Variants in AFF3 observed in about 807,000 individuals in gnomAD.
The protein encoded by AFF3 is AF4/FMR2 family member 3.
A neutral mutation model predicts 129.7 loss-of-function variants in AFF3; 32 were observed. The observed-to-expected ratio is 0.25, with a 90% CI of 0.19 to 0.33. The LOEUF (loss-of-function observed/expected upper bound fraction) is 0.33, where lower values mean the gene tolerates loss of function less well. AFF3 is among the 10% of genes least tolerant of loss of function. AFF3 has a pLI of 1.00. For synonymous variants in AFF3, 644 were observed against 635.4 expected, an observed-to-expected ratio of 1.01 and a Z score of -0.20; for missense variants, 1,373 against 1,592.0, an observed-to-expected ratio of 0.86 and a Z score of 2.34.
At chr2:100,087,871 A>G (rs1689568770) in intron 4 of AFF3, among the ~76,000 whole-genome samples, 1 of 147,698 alleles carries the variant, frequency 6.8e-6, no homozygotes. Context: ...AAGTATATTA[A>G]TAGATTAAAG....
chr2:99,726,249 G>C (rs1008937496), intron 11 of AFF3, among the ~76,000 whole-genome samples: 1 of 152,134 alleles, frequency 6.6e-6, no homozygotes, highest in South Asian at 2.1e-4. Context: ...AAGACACTCA[G>C]TATTTTACCA....
At chr2:99,609,565 C>T (rs1041719630) in intron 13 of AFF3, among the ~76,000 whole-genome samples, 2 of 152,202 alleles carry the variant, frequency 1.3e-5, no homozygotes, top group African/African-American at 4.8e-5. Flanking sequence ...TTAATTCATT[C>T]GTTTTCATGA....
Position 99,765,793 on chromosome 2 carries a change from CT to C in AFF3, c.922-13493del, listed in dbSNP as rs1295819018. Among the ~76,000 whole-genome samples the C allele has an allele frequency of 3.3e-5, 5 of 152,096 alleles. No individual in the cohort carries two copies. The South Asian group carries it at 6.2e-4, about 19-fold the overall frequency. The stretch of plus-strand genomic sequence containing the variant: ...TACTCTTTAATTATTTAATATTTAA[CT>C]GGTTAATTATTCATAGTCAAACAGA... On this transcript the variant is annotated intron_variant, in intron 8 of 24. Transcript: ENST00000672756.
At chr2:100,056,057 T>TCACA (rs1491369012) in intron 4 of AFF3, among the ~76,000 whole-genome samples, 5 of 87,984 alleles carry the variant, frequency 5.7e-5, no homozygotes, top group Non-Finnish European at 1.1e-4. Context: ...AATCGCTGTC[T>TCACA]CTCTCTCACA....
At chr2:99,857,960 T>C (rs1690650134) in intron 7 of AFF3, among the ~76,000 whole-genome samples, 1 of 152,180 alleles carries the variant, frequency 6.6e-6, no homozygotes, top group African/African-American at 2.4e-5. Flanking sequence ...CTCCTCCCAC[T>C]GTGGATGGAA....
At chr2:99,645,554 G>A (rs961558370) in intron 13 of AFF3, among the ~76,000 whole-genome samples, 4 of 152,100 alleles carry the variant, frequency 2.6e-5, no homozygotes, top group Non-Finnish European at 4.4e-5. Context: ...ACTGCTGGGC[G>A]GGAGGCGCAA....
At chr2:99,849,322 A>G (rs6747845) in intron 7 of AFF3, among the ~76,000 whole-genome samples, 119,479 of 152,060 alleles carry the variant, frequency 0.79, 47,720 homozygotes, top group South Asian at 0.93. Flanking sequence ...AACCACAGCC[A>G]GAAAAAGCAA....
intron 4 of AFF3, chr2:100,011,485 C>A: frequency 1.3e-6 from 1 of 780,898 alleles, no homozygotes; most frequent in Non-Finnish European, 2.4e-6. Flanking sequence ...GCCCCCATGC[C>A]CAAAATAATA....
At chr2:100,005,873 C>T (rs901109081) in intron 7 of AFF3, among the ~76,000 whole-genome samples, 1 of 152,178 alleles carries the variant, frequency 6.6e-6, no homozygotes, top group African/African-American at 2.4e-5. Context: ...TCTGGCCACA[C>T]TGTTACTCAG....
chr2:99,839,898 C>T (rs1224236470), intron 7 of AFF3, among the ~76,000 whole-genome samples: 1 of 152,186 alleles, frequency 6.6e-6, no homozygotes, highest in Non-Finnish European at 1.5e-5. Flanking sequence ...GCGTGAGCCA[C>T]CAGATCTGCA....
rs917858926 is a variant in AFF3 at position 100,107,338 on chromosome 2, G to A, written c.-144-1755C>T. ...TGTTCCTATTATCCTCCAGCCTCTG[G>A]GTATGCAAACCAAAACAAGCACTTA... On this transcript the variant is annotated intron_variant, in intron 2 of 24. Transcript: ENST00000672756. 16 of 985,006 alleles carry A rather than the reference G, an allele frequency of 1.6e-5. No homozygotes were observed. In the African/African-American group the frequency reaches 2.8e-4, roughly 17 times the overall value. The allele number at this position is 985,006 out of a possible 1,614,324, so 61.0% of individuals were successfully genotyped here. A position where few individuals can be genotyped will look rare whatever the true frequency, so the allele number is the denominator to read the frequency against.
At chr2:99,595,948 G>A (rs186814760) in intron 14 of AFF3, among the ~76,000 whole-genome samples, 145 of 152,340 alleles carry the variant, frequency 9.5e-4, no homozygotes, top group African/African-American at 3.4e-3. Flanking sequence ...GGTGTCTGGT[G>A]ACTTGGAGAA....
intron 7 of AFF3, among the ~76,000 whole-genome samples, chr2:99,867,066 G>C (rs1309855666): frequency 6.6e-6 from 1 of 150,526 alleles, no homozygotes; most frequent in East Asian, 1.9e-4. Context: ...GTTTCTATAG[G>C]TGGGCCCTGC....
chr2:99,910,890 T>A (rs1695062742), intron 7 of AFF3, among the ~76,000 whole-genome samples: 1 of 152,254 alleles, frequency 6.6e-6, no homozygotes, highest in Non-Finnish European at 1.5e-5. Flanking sequence ...ACAAATCACA[T>A]AATTAGAGCT....
At chr2:99,998,924 C>G (rs1224091713) in intron 7 of AFF3, among the ~76,000 whole-genome samples, 1 of 152,160 alleles carries the variant, frequency 6.6e-6, no homozygotes, top group Non-Finnish European at 1.5e-5. Context: ...AAACCTAGTT[C>G]ATGTGGCAGA....
chr2:99,629,833 C>T (rs1404478043), intron 13 of AFF3, among the ~76,000 whole-genome samples: 1 of 152,118 alleles, frequency 6.6e-6, no homozygotes, highest in Non-Finnish European at 1.5e-5. Context: ...CTTATAAGGG[C>T]TCTGATCCCA....
intron 7 of AFF3, among the ~76,000 whole-genome samples, chr2:99,875,220 G>A (rs533282120): frequency 6.6e-6 from 1 of 152,078 alleles, no homozygotes; most frequent in East Asian, 1.9e-4. Context: ...CCTTGTCTCT[G>A]ACCCTCAAGT....
At position 99,996,527 on chromosome 2, in the gene AFF3, ATTTTTTTTT is replaced by A. The variant is rs756231548; in HGVS notation, c.873+10096_873+10104del. On this transcript the variant is annotated intron_variant, in intron 7 of 24. Transcript: ENST00000672756. The stretch of plus-strand genomic sequence containing the variant: ...AGGCACCTGCCACCACGCCCGGCTA[ATTTTTTTTT>A]TTTTTTTTTTTTTTTTTGTATTTTT... Among the ~76,000 whole-genome samples, 347 of 114,086 alleles carry A rather than the reference ATTTTTTTTT, an allele frequency of 3.0e-3. 2 individuals are homozygous for A. The South Asian group carries it at 0.031, about 10-fold the overall frequency. 74.8% of individuals were successfully genotyped at this position (114,086 alleles called of 152,430 possible).
chr2:99,710,630 C>A (rs1677806280), intron 11 of AFF3, among the ~76,000 whole-genome samples: 2 of 152,122 alleles, frequency 1.3e-5, no homozygotes, highest in Admixed American at 1.3e-4. Flanking sequence ...CCATGGAATC[C>A]TTATTTTTAA....
Sources: allele counts gnomAD v4.1 joint callset (sites outside exome capture counted in the v4.1 genomes callset), GRCh38; gene constraint gnomAD v4.1.1; transcripts MANE v1.5; gene names NCBI Gene and HGNC (gene_info 2026-07-23, HGNC 2026-07-21).